Variants in MYO9A observed in about 807,000 individuals in gnomAD.
MYO9A encodes the protein unconventional myosin-IXa.
MYO9A carries 103 observed loss-of-function variants against 293.3 expected under a neutral mutation model. The observed-to-expected ratio is 0.35, with a 90% confidence interval of 0.30 to 0.41. The LOEUF is 0.41. Ranked by LOEUF, MYO9A falls within the 10% of genes least tolerant of loss-of-function variation. The probability of loss-of-function intolerance (pLI) is 1.00; values close to 1 mark genes in which losing one functional copy is unlikely to be tolerated. For missense variants in MYO9A, 2,685 were observed against 3,033.0 expected, an observed-to-expected ratio of 0.89 and a Z score of 2.69; for synonymous variants, 1,001 against 1,035.7, an observed-to-expected ratio of 0.97 and a Z score of 0.64.
intron 3 of MYO9A, among the ~76,000 whole-genome samples, chr15:72,028,238 T>TATAA (rs1490355481): frequency 1.9e-4 from 27 of 144,656 alleles, no homozygotes; most frequent in East Asian, 5.9e-4. Context: ...TATATATATA[T>TATAA]AAATATATAT....
In MYO9A at chr15:72,000,920, T is replaced by C. The variant is rs377706469; in HGVS notation, c.1381-980A>G. On this transcript the variant is annotated intron_variant, in intron 8 of 41. Coordinates refer to ENST00000356056, the MANE Select transcript of MYO9A (RefSeq NM_006901.4). ...TACACGATTTACAATTTTGTATGAT[T>C]AGAAAATAAACCACAATGAATATTG... Among the ~76,000 whole-genome samples, 10 of 152,364 alleles carry C rather than the reference T, an allele frequency of 6.6e-5. No homozygotes were observed. The South Asian group carries it at 1.0e-3, about 16-fold the overall frequency.
chr15:71,914,705 T>C (rs1220982813), intron 19 of MYO9A, among the ~76,000 whole-genome samples: 1 of 152,168 alleles, frequency 6.6e-6, no homozygotes, highest in East Asian at 1.9e-4. Flanking sequence ...AATTAACTCA[T>C]TACTTTTGTA....
chr15:72,024,323 G>A (rs1395653562), intron 4 of MYO9A, among the ~76,000 whole-genome samples: 3 of 152,168 alleles, frequency 2.0e-5, no homozygotes, highest in African/African-American at 7.2e-5. Flanking sequence ...TCACTCTGTT[G>A]CCCAGGCTGG....
chr15:71,843,453 T>C (rs2055252139), intron 39 of MYO9A, among the ~76,000 whole-genome samples: 1 of 152,042 alleles, frequency 6.6e-6, no homozygotes, highest in Non-Finnish European at 1.5e-5. Flanking sequence ...AATAAATAAA[T>C]AAATAGATTA....
In MYO9A at chr15:71,982,005, A is replaced by ATTTTTTTTT. The variant is rs750930471; in HGVS notation, c.1723-3722_1723-3714dup. On this transcript the variant is annotated intron_variant, in intron 11 of 41. Transcript: ENST00000356056. ...TTGTTCAACCTCTAGCCTATTTAGAATTTTTTTTTTTTTTTTTTTTTTTTT... is the reference window on the plus strand; with the variant it reads ...TTGTTCAACCTCTAGCCTATTTAGAATTTTTTTTTTTTTTTTTTTTTTTTTTTTTTTTTT... Among the ~76,000 whole-genome samples the ATTTTTTTTT allele has an allele frequency of 1.2e-3, 66 of 56,310 alleles. 7 individuals are homozygous for ATTTTTTTTT. Among genetic ancestry groups the ATTTTTTTTT allele is most frequent in the African/African-American group, 1.6e-3 (18 of 11,498 alleles). The allele number at this position is 56,310 out of a possible 152,430, so 36.9% of individuals were successfully genotyped here.
At chr15:72,060,941 AAGGAGAGG>A (rs1201337993) in intron 1 of MYO9A, among the ~76,000 whole-genome samples, 1 of 150,920 alleles carries the variant, frequency 6.6e-6, no homozygotes, top group Non-Finnish European at 1.5e-5. Flanking sequence ...CCTTCTGCTT[AAGGAGAGG>A]AAAGAGTCAC....
At chr15:72,101,955 C>T (rs1366214270) in intron 1 of MYO9A, among the ~76,000 whole-genome samples, 2 of 152,056 alleles carry the variant, frequency 1.3e-5, no homozygotes, top group Non-Finnish European at 2.9e-5. Context: ...GTGAGGAGCC[C>T]CTCTGCCCGG....
rs148236635 is a variant in MYO9A at position 71,854,524 on chromosome 15, G to A, written c.6199C>T (p.Arg2067Cys). Residue 2067 changes from arginine (R) to cysteine (C), a missense_variant, in exon 35 of 42, where the codon CGT becomes TGT. Transcript: ENST00000356056. ...ACAGTTCGGTCTTCACTGGTCAAACGGGACAGTTCAACCCCAAATTGTCGA... is the reference window on the plus strand; with the variant it reads ...ACAGTTCGGTCTTCACTGGTCAAACAGGACAGTTCAACCCCAAATTGTCGA... The part of the protein sequence containing the change: ...SSRQFGVELS[R>C]LTSEDRTVPL... The A allele has an allele frequency of 3.2e-5, 51 of 1,609,830 alleles. No individual in the cohort carries two copies. Among genetic ancestry groups the A allele is most frequent in the Admixed American group, 2.0e-4 (12 of 59,342 alleles).
chr15:71,854,479 G>C lies in MYO9A; in HGVS notation c.6244C>G (p.Leu2082Val). 6.2e-7 allele frequency: 1 copy of C among 1,613,682 alleles called. No individual in the cohort carries two copies. The highest frequency in any genetic ancestry group is 8.5e-7 in the Non-Finnish European group (1 of 1,179,756). ...CCATGCATTTCAATGTAGTTTATGA[G>C]CTTTTCCACTACTAAAGGAACAGTT... ...DRTVPLVVEK[L>V]INYIEMHGLY... The change falls in exon 35 of 42, where the codon CTC (leucine) becomes GTC (valine). Residue 2082 changes from leucine (L) to valine (V), a missense_variant. Coordinates refer to ENST00000356056, the MANE Select transcript of MYO9A (RefSeq NM_006901.4).
At chr15:71,918,124 C>T (rs551608489) in intron 18 of MYO9A, among the ~76,000 whole-genome samples, 2 of 152,096 alleles carry the variant, frequency 1.3e-5, no homozygotes, top group South Asian at 4.2e-4. Context: ...AAGGAAAATG[C>T]CATTTCTTTT....
chr15:71,856,332 G>A (rs925352698), intron 34 of MYO9A, among the ~76,000 whole-genome samples: 1 of 151,806 alleles, frequency 6.6e-6, no homozygotes, highest in Non-Finnish European at 1.5e-5. Flanking sequence ...AAAAGAAAAA[G>A]ACTAGTAGTG....
chr15:71,851,008 C>T lies in MYO9A; in HGVS notation c.6581+245G>A, dbSNP rs528898258. Among the ~76,000 whole-genome samples the T allele has an allele frequency of 2.0e-5, 3 of 152,194 alleles. No individual in the cohort carries two copies. The South Asian group carries it at 6.2e-4, about 32-fold the overall frequency. On this transcript the variant is annotated intron_variant, in intron 37 of 41. Transcript: ENST00000356056. ...CTGTTAGAAAACAGGCTAAACTACA[C>T]ACTGCCACCATGAGGCTGAAGCTGT...
chr15:71,875,152 CTATTG>C (rs1418280282), intron 32 of MYO9A, among the ~76,000 whole-genome samples: 1 of 151,690 alleles, frequency 6.6e-6, no homozygotes, highest in Non-Finnish European at 1.5e-5. Context: ...ATGTTTCTAT[CTATTG>C]TATTATATAT....
intron 1 of MYO9A, among the ~76,000 whole-genome samples, chr15:72,079,554 C>CAT (rs1209533445): frequency 1.3e-5 from 2 of 152,008 alleles, no homozygotes; most frequent in Non-Finnish European, 2.9e-5. Context: ...AGTGCATATG[C>CAT]ATATATATAA....
chr15:72,087,153 C>T (rs2079764475), intron 1 of MYO9A, among the ~76,000 whole-genome samples: 1 of 152,138 alleles, frequency 6.6e-6, no homozygotes, highest in East Asian at 1.9e-4. Flanking sequence ...CCCAGGGTAC[C>T]CAAGGCTTCA....
chr15:71,914,635 C>T (rs1165043962), intron 19 of MYO9A, among the ~76,000 whole-genome samples: 1 of 152,170 alleles, frequency 6.6e-6, no homozygotes, highest in African/African-American at 2.4e-5. Flanking sequence ...TGGTCATTAT[C>T]TATGGATGGC....
intron 6 of MYO9A, among the ~76,000 whole-genome samples, chr15:72,018,668 T>C (rs1014117733): frequency 6.6e-6 from 1 of 152,090 alleles, no homozygotes; most frequent in Non-Finnish European, 1.5e-5. Context: ...TCATAGTATG[T>C]AGGTAATGAA....
intron 16 of MYO9A, among the ~76,000 whole-genome samples, chr15:71,937,190 C>A (rs1162900700): frequency 1.3e-5 from 2 of 151,968 alleles, no homozygotes; most frequent in Non-Finnish European, 2.9e-5. Flanking sequence ...GGATTCAAAG[C>A]ATTATAGAAA....
Position 72,103,528 on chromosome 15 carries a change from G to C in MYO9A, c.-72+14152C>G, listed in dbSNP as rs565574906. On this transcript the variant is annotated intron_variant, in intron 1 of 41. Transcript: ENST00000356056. ...TGGCAGCAGAAGCAGCAGAAGCAGTGGAAGCAGAAGCAGCAGAAGCAGTGG... is the reference window on the plus strand; with the variant it reads ...TGGCAGCAGAAGCAGCAGAAGCAGTCGAAGCAGAAGCAGCAGAAGCAGTGG... 6.6e-4 allele frequency among the ~76,000 whole-genome samples: 99 copies of C among 149,120 alleles called. 1 individual carries two copies. The highest frequency in any genetic ancestry group is 9.3e-4 in the Admixed American group (14 of 14,982).
Sources: gnomAD v4.1 joint callset for allele counts (sites outside exome capture counted in the v4.1 genomes callset) on GRCh38, gnomAD v4.1.1 for gene constraint, MANE v1.5 for transcripts, NCBI Gene and HGNC (gene_info 2026-07-23, HGNC 2026-07-21) for gene names.